Variants in THRAP3 observed in about 807,000 individuals in gnomAD.
THRAP3 encodes thyroid hormone receptor-associated protein 3.
A neutral mutation model predicts 101.0 loss-of-function variants in THRAP3; 16 were observed. The ratio of observed to expected loss-of-function variants is 0.16; its 90% CI spans 0.11 to 0.24. The LOEUF (loss-of-function observed/expected upper bound fraction) is 0.24, where lower values mean the gene tolerates loss of function less well. Ranked by LOEUF, THRAP3 falls within the 10% of genes least tolerant of loss-of-function variation. The pLI is 1.00. For synonymous variants in THRAP3, 407 were observed against 422.6 expected (o/e 0.96, Z 0.45); for missense variants, 989 against 1,202.7 (o/e 0.82, Z 2.63).
At chr1:36,238,406 TC>T (rs1258394692) in intron 1 of THRAP3, among the ~76,000 whole-genome samples, 1 of 152,194 alleles carries the variant, frequency 6.6e-6, no homozygotes, top group Non-Finnish European at 1.5e-5. Flanking sequence ...GTATGAAAAA[TC>T]TTTTTTGATT....
rs1410124613 is a variant in THRAP3, at chr1:36,243,961, C to CT, written c.-134-15421_-134-15420insT. ...CCTCCCTCCCGGATGGGGCGGCTGG[C>CT]GGGCGGGGGGCTGAACCCCCCACCT... On this transcript the variant is annotated intron_variant, in intron 1 of 11. Transcript: ENST00000354618. Among the ~76,000 whole-genome samples the CT allele has an allele frequency of 1.3e-3, 3 of 2,342 alleles. 1 individual carries two copies. Among genetic ancestry groups the CT allele is most frequent in the Non-Finnish European group, 3.0e-3 (3 of 1,000 alleles). 1.5% of individuals were successfully genotyped at this position (2,342 alleles called of 152,430 possible). A position where few individuals can be genotyped will look rare whatever the true frequency, so the allele number is the denominator to read the frequency against.
intron 2 of THRAP3, 113 bp from the exon 3 acceptor site, chr1:36,282,420 T>G: frequency 1.4e-6 from 1 of 707,710 alleles, no homozygotes; most frequent in Non-Finnish European, 2.2e-6. Context: ...TTTGTAGATA[T>G]GGGGTCTTCT....
the THRAP3 span, among the ~76,000 whole-genome samples, chr1:36,213,943 G>GAAAGAA: frequency 1.3e-4 from 15 of 118,704 alleles, no homozygotes; most frequent in South Asian, 7.3e-4. Flanking sequence ...AAGAAAGAAA[G>GAAAGAA]AAAGAAAGAA....
chr1:36,211,412 C>A, the THRAP3 span, among the ~76,000 whole-genome samples: 1 of 151,808 alleles, frequency 6.6e-6, no homozygotes, highest in Admixed American at 6.6e-5. Context: ...GTGGTGCATG[C>A]CTGTAGTCCC....
the THRAP3 span, among the ~76,000 whole-genome samples, chr1:36,214,623 C>T: frequency 1.3e-5 from 2 of 152,062 alleles, no homozygotes; most frequent in African/African-American, 4.8e-5. Context: ...CTCTGGAAGG[C>T]CGAGGTGGGT....
At chr1:36,243,342 C>T (rs568953112) in intron 1 of THRAP3, among the ~76,000 whole-genome samples, 7 of 151,822 alleles carry the variant, frequency 4.6e-5, no homozygotes, top group Middle Eastern at 3.4e-3. Flanking sequence ...GAGGACCCTG[C>T]GGCCTTCCGC....
At chr1:36,237,445 G>A (rs1283748190) in intron 1 of THRAP3, among the ~76,000 whole-genome samples, 1 of 148,768 alleles carries the variant, frequency 6.7e-6, no homozygotes, top group Non-Finnish European at 1.5e-5. Context: ...TCCAGGCTGG[G>A]TGGCAGGAGT....
chr1:36,303,085 A>ACTACT (rs1646050189), intron 11 of THRAP3, among the ~76,000 whole-genome samples: 1 of 150,192 alleles, frequency 6.7e-6, no homozygotes, highest in South Asian at 2.1e-4. Flanking sequence ...AGCTGGGACT[A>ACTACT]CAGGCGCACA....
At chr1:36,276,312 C>CAGA (rs1227395874) in intron 2 of THRAP3, among the ~76,000 whole-genome samples, 1 of 149,570 alleles carries the variant, frequency 6.7e-6, no homozygotes, top group East Asian at 2.0e-4. Context: ...GTCATGAGGT[C>CAGA]AGAAGATTGA....
chr1:36,292,788 C>T, intron 7 of THRAP3, 79 bp downstream of exon 7: 1 of 1,059,920 alleles, frequency 9.4e-7, no homozygotes, highest in South Asian at 1.5e-5. Flanking sequence ...TTAAATTCTG[C>T]TGCTAATGCA....
chr1:36,281,578 CTTTT>C (rs11331243), intron 2 of THRAP3, among the ~76,000 whole-genome samples: 1 of 145,202 alleles, frequency 6.9e-6, no homozygotes, highest in Non-Finnish European at 1.5e-5. Context: ...GTCATTTCAT[CTTTT>C]TTTTTTTTTT....
intron 1 of THRAP3, among the ~76,000 whole-genome samples, chr1:36,259,001 A>G (rs1250129200): frequency 6.6e-6 from 1 of 152,206 alleles, no homozygotes; most frequent in African/African-American, 2.4e-5. Flanking sequence ...CTTGAAATGC[A>G]TTTGTTAAAT....
chr1:36,265,986 T>C (rs1645509032), intron 2 of THRAP3, among the ~76,000 whole-genome samples: 1 of 151,998 alleles, frequency 6.6e-6, no homozygotes, highest in African/African-American at 2.4e-5. Context: ...AGACCCCGTC[T>C]GTATTGAAAA....
At position 36,230,143 on chromosome 1, in the gene THRAP3, C is replaced by T. The variant is rs181489509; in HGVS notation, c.-135+5638C>T. On this transcript the variant is annotated intron_variant, in intron 1 of 11. Coordinates refer to ENST00000354618, the MANE Select transcript of THRAP3 (RefSeq NM_005119.4). The stretch of plus-strand genomic sequence containing the variant: ...TTAATTTTTTTTCTTTTTTTTTAGA[C>T]GGAGTTTTGTTCTTGTCCAGGCTGG... 2.1e-3 allele frequency among the ~76,000 whole-genome samples: 317 copies of T among 149,410 alleles called. 1 individual carries two copies. Among genetic ancestry groups the T allele is most frequent in the African/African-American group, 7.1e-3 (287 of 40,628 alleles).
intron 2 of THRAP3, among the ~76,000 whole-genome samples, chr1:36,261,115 G>T (rs541969926): frequency 6.6e-6 from 1 of 152,048 alleles, no homozygotes; most frequent in East Asian, 1.9e-4. Context: ...ATTTTATCTT[G>T]GGCTAAGCGC....
intron 1 of THRAP3, among the ~76,000 whole-genome samples, chr1:36,229,412 G>A (rs373208011): frequency 1.2e-5 from 1 of 80,958 alleles, no homozygotes; most frequent in Non-Finnish European, 3.2e-5. Context: ...TTTTTTTTTT[G>A]TTTTTTTTTT....
rs548245839 is a variant in THRAP3 at position 36,286,236 on chromosome 1, T to C, written c.138-132T>C. ...GGCCATACGTAGTGGGATTAAATAT[T>C]TGTGCCCTTGCTTTGAAAACAAAAC... is the stretch of plus-strand genomic sequence containing the variant. On this transcript the variant is annotated intron_variant, in intron 3 of 11. Transcript: ENST00000354618. This position sits in a 1 kb window ranked among gnomAD's most constrained non-coding sequence, Gnocchi z 5.5. 36 of 841,470 alleles carry C rather than the reference T, an allele frequency of 4.3e-5. No individual in the cohort carries two copies. In the South Asian group the frequency reaches 4.7e-4, roughly 11 times the overall value. 52.1% of individuals were successfully genotyped at this position (841,470 alleles called of 1,614,324 possible).
rs1557461024 is a variant in THRAP3, at chr1:36,301,006, C to T, written c.2424C>T (p.Gly808=). 8.1e-6 allele frequency: 13 copies of T among 1,614,044 alleles called. No homozygotes were observed. Among genetic ancestry groups the T allele is most frequent in the African/African-American group, 1.3e-5 (1 of 74,928 alleles). Residue 808 remains glycine, a synonymous_variant, in exon 10 of 12, where the codon GGC becomes GGT. Transcript: ENST00000354618. Reference sequence around the variant, plus strand: ...AGGAAAGAGAGGAGAGCACCACGGGCTTTGACAAATCAAGACTGGGGACCA... The same window carrying T: ...AGGAAAGAGAGGAGAGCACCACGGGTTTTGACAAATCAAGACTGGGGACCA... ...ETEEREESTT[G]FDKSRLGTKD... is the part of the protein sequence containing the mutation.
chr1:36,274,582 T>C (rs1195501986), intron 2 of THRAP3, among the ~76,000 whole-genome samples: 1 of 150,042 alleles, frequency 6.7e-6, no homozygotes, highest in Admixed American at 6.7e-5. Context: ...TAGAATAAAA[T>C]TGAGAGTCCG....
Sources: gnomAD v4.1 joint callset for allele counts (sites outside exome capture counted in the v4.1 genomes callset) on GRCh38, gnomAD v4.1.1 for gene constraint, Gnocchi (gnomAD v3.1) non-coding constraint, MANE v1.5 for transcripts, NCBI Gene and HGNC (gene_info 2026-07-23, HGNC 2026-07-21) for gene names.